SPATS2L: variants seen among roughly 807,000 people sequenced by gnomAD.
SPATS2L encodes the protein spermatogenesis associated serine rich 2 like.
A neutral mutation model predicts 59.6 loss-of-function variants in SPATS2L; 30 were observed. The observed-to-expected ratio is 0.50, with a 90% CI of 0.38 to 0.68. SPATS2L has a LOEUF of 0.68. Ranked by LOEUF, SPATS2L falls within the 30% of genes least tolerant of loss-of-function variation. SPATS2L has a pLI of 0.00. For synonymous variants in SPATS2L, 252 were observed against 263.5 expected, an observed-to-expected ratio of 0.96 and a Z score of 0.42; for missense variants, 615 against 700.0, an observed-to-expected ratio of 0.88 and a Z score of 1.37.
rs1325606334 is a variant in SPATS2L at position 200,468,684 on chromosome 2, A to G, written c.958-1230A>G. On this transcript the variant is annotated intron_variant, in intron 10 of 12. Transcript: ENST00000409140. ...CCTCCACACTAGTCTCTCTGCCTACACTGTCTCCCTTCAGCCTCGTACTCC... is the reference window on the plus strand; with the variant it reads ...CCTCCACACTAGTCTCTCTGCCTACGCTGTCTCCCTTCAGCCTCGTACTCC... Among the ~76,000 whole-genome samples the G allele has an allele frequency of 2.0e-5, 3 of 152,082 alleles. No homozygotes were observed. In the East Asian group the frequency reaches 5.8e-4, roughly 29 times the overall value.
intron 10 of SPATS2L, among the ~76,000 whole-genome samples, chr2:200,467,627 A>G (rs910807459): frequency 2.0e-5 from 3 of 152,206 alleles, no homozygotes; most frequent in Non-Finnish European, 2.9e-5. Flanking sequence ...GGTACAAGCT[A>G]TTTTGTCAGT....
At chr2:200,387,544 A>G (rs2082029411) in intron 2 of SPATS2L, among the ~76,000 whole-genome samples, 1 of 152,226 alleles carries the variant, frequency 6.6e-6, no homozygotes. Context: ...GCGTATTACC[A>G]AGCTTTCATC....
intron 2 of SPATS2L, among the ~76,000 whole-genome samples, chr2:200,353,090 G>T (rs2080796277): frequency 6.6e-6 from 1 of 152,102 alleles, no homozygotes; most frequent in African/African-American, 2.4e-5. Flanking sequence ...ATGACATCTG[G>T]CCTCTATCAA....
At chr2:200,441,254 A>G (rs182307285) in intron 8 of SPATS2L, among the ~76,000 whole-genome samples, 1 of 152,282 alleles carries the variant, frequency 6.6e-6, no homozygotes, top group East Asian at 1.9e-4. Flanking sequence ...GAATTTAAAC[A>G]TGGTGCATCA....
intron 2 of SPATS2L, among the ~76,000 whole-genome samples, chr2:200,366,811 C>G (rs945835642): frequency 1.3e-5 from 2 of 152,148 alleles, no homozygotes; most frequent in Non-Finnish European, 2.9e-5. Context: ...TTCTACATTC[C>G]TAAAGCTTAT....
At chr2:200,377,035 G>A (rs1328393382) in intron 2 of SPATS2L, among the ~76,000 whole-genome samples, 1 of 152,200 alleles carries the variant, frequency 6.6e-6, no homozygotes, top group African/African-American at 2.4e-5. Context: ...GCTACCACAT[G>A]AGCTATGAGA....
intron 4 of SPATS2L, among the ~76,000 whole-genome samples, chr2:200,413,088 G>C (rs1300581052): frequency 6.6e-6 from 1 of 152,064 alleles, no homozygotes; most frequent in Non-Finnish European, 1.5e-5. Flanking sequence ...TCCTTTATTT[G>C]ATACCATTCT....
intron 2 of SPATS2L, among the ~76,000 whole-genome samples, chr2:200,375,695 C>T (rs1202707809): frequency 1.3e-5 from 2 of 152,278 alleles, no homozygotes; most frequent in African/African-American, 4.8e-5. Flanking sequence ...GGCATGATCA[C>T]AGCTCACTGC....
chr2:200,428,502 C>T (rs541663791), intron 6 of SPATS2L, among the ~76,000 whole-genome samples: 1 of 152,284 alleles, frequency 6.6e-6, no homozygotes, highest in South Asian at 2.1e-4. Context: ...TGTTTGATCT[C>T]AGGTCCTTCA....
At position 200,426,082 on chromosome 2, in the gene SPATS2L, CTTTTTTTTTTTTT is replaced by C. The variant is rs769997762; in HGVS notation, c.445+6600_445+6612del. Among the ~76,000 whole-genome samples, 43 of 62,326 alleles carry C rather than the reference CTTTTTTTTTTTTT, an allele frequency of 6.9e-4. 1 individual carries two copies. The South Asian group carries it at 0.03, about 44-fold the overall frequency. 40.9% of individuals were successfully genotyped at this position (62,326 alleles called of 152,430 possible). A position where few individuals can be genotyped will look rare whatever the true frequency, so the allele number is the denominator to read the frequency against. ...ATAGAATTATAACCATAGGTTTTTA[CTTTTTTTTTTTTT>C]TTTTTTTTTTTTTGAGATGGAGTCT... is the stretch of plus-strand genomic sequence containing the variant. On this transcript the variant is annotated intron_variant, in intron 6 of 12. Transcript: ENST00000409140.
At chr2:200,398,713 G>A (rs1217381550) in intron 3 of SPATS2L, among the ~76,000 whole-genome samples, 1 of 152,118 alleles carries the variant, frequency 6.6e-6, no homozygotes, top group Non-Finnish European at 1.5e-5. Flanking sequence ...TCTATCATTG[G>A]ATGAACCTGT....
In SPATS2L at chr2:200,473,955, G is replaced by A. The variant is rs141634848; in HGVS notation, c.1281+903G>A. ...GCGGAGGTTTCAGTGAGCCAAGATC[G>A]CACCACTGCCCTTCAGCCTGGGCAA... On this transcript the variant is annotated intron_variant, in intron 12 of 12. Coordinates refer to ENST00000409140, the MANE Select transcript of SPATS2L (RefSeq NM_001100423.2). 4.3e-3 allele frequency among the ~76,000 whole-genome samples: 659 copies of A among 151,976 alleles called. 18 individuals are homozygous for A. The East Asian group carries it at 0.061, about 14-fold the overall frequency.
intron 2 of SPATS2L, among the ~76,000 whole-genome samples, chr2:200,361,889 G>A (rs1006162680): frequency 7.9e-5 from 12 of 152,052 alleles, no homozygotes; most frequent in African/African-American, 2.9e-4. Context: ...ATTTGTTCAG[G>A]GTATTAGGAC....
intron 8 of SPATS2L, among the ~76,000 whole-genome samples, chr2:200,447,740 T>G (rs1401484022): frequency 6.6e-6 from 1 of 152,216 alleles, no homozygotes; most frequent in African/African-American, 2.4e-5. Flanking sequence ...TGCTTTTCTC[T>G]GTGCCATTCA....
upstream of SPATS2L, chr2:200,306,123 C>T (rs983558499): frequency 3.0e-6 from 3 of 988,342 alleles, no homozygotes; most frequent in African/African-American, 1.7e-5. Context: ...CAAGGGCTGA[C>T]CCGAGCTCCA....
intron 2 of SPATS2L, among the ~76,000 whole-genome samples, chr2:200,333,881 T>C (rs1363129140): frequency 7.1e-6 from 1 of 141,240 alleles, no homozygotes; most frequent in Non-Finnish European, 1.6e-5. Context: ...ATGTGCCACA[T>C]TTTCTTAATC....
chr2:200,326,173 G>A (rs2079733596), intron 1 of SPATS2L, among the ~76,000 whole-genome samples: 1 of 152,156 alleles, frequency 6.6e-6, no homozygotes, highest in African/African-American at 2.4e-5. Context: ...CTTCACAGAT[G>A]CAATCATAGC....
At chr2:200,404,935 A>T (rs1262525641) in intron 3 of SPATS2L, among the ~76,000 whole-genome samples, 1 of 152,032 alleles carries the variant, frequency 6.6e-6, no homozygotes, top group African/African-American at 2.4e-5. Flanking sequence ...ATCTCCATCA[A>T]ATTATAAGGA....
chr2:200,381,480 C>T (rs187813565), intron 2 of SPATS2L, among the ~76,000 whole-genome samples: 35 of 152,324 alleles, frequency 2.3e-4, no homozygotes, highest in Non-Finnish European at 4.7e-4. Context: ...TTCCAACTCT[C>T]CCTATCGAAG....
Sources: gnomAD v4.1 joint callset for allele counts (sites outside exome capture counted in the v4.1 genomes callset) on GRCh38, gnomAD v4.1.1 for gene constraint, MANE v1.5 for transcripts, NCBI Gene and HGNC (gene_info 2026-07-23, HGNC 2026-07-21) for gene names.